Variants in MGAT5 observed in about 807,000 individuals in gnomAD.
The protein encoded by MGAT5 is alpha-1,6-mannosylglycoprotein 6-beta-N-acetylglucosaminyltransferase A.
A neutral mutation model predicts 94.3 loss-of-function variants in MGAT5; 30 were observed. The ratio of observed to expected loss-of-function variants is 0.32; its 90% CI spans 0.24 to 0.43. MGAT5 has a LOEUF of 0.43. MGAT5 is among the 20% of genes least tolerant of loss of function. The pLI is 1.00. For missense variants in MGAT5, 691 were observed against 905.5 expected, an observed-to-expected ratio of 0.76 and a Z score of 3.04; for synonymous variants, 310 against 322.9, an observed-to-expected ratio of 0.96 and a Z score of 0.43.
chr2:134,286,512 A>G (rs1685010856), intron 2 of MGAT5, among the ~76,000 whole-genome samples: 1 of 151,888 alleles, frequency 6.6e-6, no homozygotes, highest in African/African-American at 2.4e-5. Flanking sequence ...GCTCACTGCA[A>G]CTTCTGCCTC....
intron 1 of MGAT5, among the ~76,000 whole-genome samples, chr2:134,160,074 G>A (rs372796277): frequency 6.6e-6 from 1 of 152,134 alleles, no homozygotes; most frequent in Admixed American, 6.5e-5. Flanking sequence ...CTAGGAAGGG[G>A]GATGGGTTTA....
At chr2:134,197,072 C>T (rs1679528717) in intron 1 of MGAT5, among the ~76,000 whole-genome samples, 1 of 152,108 alleles carries the variant, frequency 6.6e-6, no homozygotes, top group African/African-American at 2.4e-5. Context: ...TTTTACTGTG[C>T]CAGGTACTGG....
chr2:134,371,079 ATTC>A, intron 10 of MGAT5, among the ~76,000 whole-genome samples: 1 of 152,288 alleles, frequency 6.6e-6, no homozygotes, highest in South Asian at 2.1e-4. Flanking sequence ...CTTGTCACAC[ATTC>A]TTCTTGTACC....
At chr2:134,438,693 G>C (rs1193574747) in intron 14 of MGAT5, among the ~76,000 whole-genome samples, 2 of 152,154 alleles carry the variant, frequency 1.3e-5, no homozygotes, top group African/African-American at 4.8e-5. Flanking sequence ...GGCCTGGATT[G>C]TGATGAAAAT....
intron 2 of MGAT5, among the ~76,000 whole-genome samples, chr2:134,316,672 T>C (rs1002255355): frequency 6.6e-6 from 1 of 152,150 alleles, no homozygotes; most frequent in African/African-American, 2.4e-5. Context: ...AATTAGCATA[T>C]TCATAATCTC....
At chr2:134,276,351 T>C (rs565145629) in intron 2 of MGAT5, among the ~76,000 whole-genome samples, 1 of 152,330 alleles carries the variant, frequency 6.6e-6, no homozygotes, top group East Asian at 1.9e-4. Flanking sequence ...AGGTAATTAT[T>C]TCTTCTCGTG....
At chr2:134,313,037 AACACACACACAC>A (rs201311442) in intron 2 of MGAT5, among the ~76,000 whole-genome samples, 4,891 of 139,238 alleles carry the variant, frequency 0.035, 161 homozygotes, top group African/African-American at 0.084. Flanking sequence ...GCAAGAAATA[AACACACACACAC>A]ACACACACAC....
chr2:134,395,362 CCTGAAAAACAAAAGTG>C (rs1682646403), intron 10 of MGAT5, among the ~76,000 whole-genome samples: 3 of 152,258 alleles, frequency 2.0e-5, no homozygotes, highest in African/African-American at 7.2e-5. Context: ...CAGAGAAAAT[CCTGAAAAACAAAAGTG>C]CTGGAAAATA....
At chr2:134,127,894 G>A (rs1045589220) in intron 1 of MGAT5, among the ~76,000 whole-genome samples, 1 of 152,112 alleles carries the variant, frequency 6.6e-6, no homozygotes, top group African/African-American at 2.4e-5. Flanking sequence ...CTGATTTTGA[G>A]GTTCCGTTTG....
intron 1 of MGAT5, among the ~76,000 whole-genome samples, chr2:134,247,359 T>TAAAAA (rs34029606): frequency 1.4e-4 from 13 of 91,482 alleles, no homozygotes; most frequent in Non-Finnish European, 1.8e-4. Flanking sequence ...GGGCCTGAAT[T>TAAAAA]AAAAAAAAAA....
chr2:134,316,846 A>G (rs1388265616), intron 2 of MGAT5, among the ~76,000 whole-genome samples: 3 of 152,170 alleles, frequency 2.0e-5, no homozygotes, highest in African/African-American at 7.2e-5. Flanking sequence ...TCTCAAAGGC[A>G]TTTGTTTTCG....
In MGAT5 at chr2:134,451,229, T is replaced by C. The variant is rs565327689; in HGVS notation, c.*2382T>C. 2 of 152,414 alleles carry C rather than the reference T, an allele frequency of 1.3e-5. No homozygotes were observed. The highest frequency in any genetic ancestry group is 3.9e-4 in the East Asian group (2 of 5,188). The allele number at this position is 152,414 out of a possible 1,614,324, so 9.4% of individuals were successfully genotyped here. On this transcript the variant is annotated 3_prime_UTR_variant, in exon 16 of 16. Transcript: ENST00000281923. Reference sequence around the variant, plus strand: ...AAGGCCTCCCTACCTTCCCCTTCTTTTCCAAGTCACAACCCGCCCTGCCCG... The same window carrying C: ...AAGGCCTCCCTACCTTCCCCTTCTTCTCCAAGTCACAACCCGCCCTGCCCG...
intron 4 of MGAT5, 27 bp from the exon 5 acceptor site, chr2:134,336,190 A>T: frequency 6.3e-7 from 1 of 1,589,012 alleles, no homozygotes; most frequent in Non-Finnish European, 8.6e-7. Flanking sequence ...ATGAAGCTGC[A>T]TATTTAGTGT....
chr2:134,274,575 T>G (rs1049726060), intron 2 of MGAT5, among the ~76,000 whole-genome samples: 4 of 152,056 alleles, frequency 2.6e-5, no homozygotes, highest in Admixed American at 2.6e-4. Flanking sequence ...GGGTAGTGTA[T>G]GTATGTGCAT....
rs1461291528 is a variant in MGAT5, at chr2:134,259,799, A to C, written c.241+5155A>C. ...AATATCCCCCACATTTTGTGCATACAGTGAGAAACAGATGGACAAAGGCCC... is the reference window on the plus strand; with the variant it reads ...AATATCCCCCACATTTTGTGCATACCGTGAGAAACAGATGGACAAAGGCCC... On this transcript the variant is annotated intron_variant, in intron 1 of 15. Transcript: ENST00000281923. Among the ~76,000 whole-genome samples, 3 of 152,220 alleles carry C rather than the reference A, an allele frequency of 2.0e-5. No homozygotes were observed. In the East Asian group the frequency reaches 5.8e-4, roughly 29 times the overall value.
intron 10 of MGAT5, among the ~76,000 whole-genome samples, chr2:134,392,010 C>T (rs2106253843): frequency 6.6e-6 from 1 of 152,264 alleles, no homozygotes; most frequent in Non-Finnish European, 1.5e-5. Flanking sequence ...TATAGACACA[C>T]CTCTCTATAG....
At chr2:134,191,550 A>T (rs903468526) in intron 1 of MGAT5, among the ~76,000 whole-genome samples, 4 of 145,870 alleles carry the variant, frequency 2.7e-5, no homozygotes, top group Non-Finnish European at 3.0e-5. Flanking sequence ...CGGGTTCCTG[A>T]TAGGAGGGTG....
chr2:134,151,937 C>G (rs1687214397), intron 1 of MGAT5, among the ~76,000 whole-genome samples: 1 of 141,722 alleles, frequency 7.1e-6, no homozygotes, highest in Admixed American at 6.8e-5. Context: ...GACCCGCCCA[C>G]CGCCATGGGA....
At chr2:134,172,473 G>A (rs1282253959) in intron 1 of MGAT5, among the ~76,000 whole-genome samples, 1 of 151,768 alleles carries the variant, frequency 6.6e-6, no homozygotes, top group East Asian at 1.9e-4. Flanking sequence ...TGCAAGCTCC[G>A]CCTCCTTGGT....
Sources: allele counts gnomAD v4.1 joint callset (sites outside exome capture counted in the v4.1 genomes callset), GRCh38; gene constraint gnomAD v4.1.1; transcripts MANE v1.5; gene names NCBI Gene and HGNC (gene_info 2026-07-23, HGNC 2026-07-21).